The following ACSL3 variants were observed in gnomAD, a reference collection of about 807,000 sequenced individuals.
ACSL3 encodes the protein fatty acid CoA ligase Acsl3.
ACSL3 carries 34 observed loss-of-function variants against 84.7 expected under a neutral mutation model. The observed-to-expected ratio is 0.40, with a 90% CI of 0.31 to 0.53. The LOEUF (loss-of-function observed/expected upper bound fraction) is 0.53. Among genes scored for constraint, ACSL3 ranks in the 20% least tolerant of loss-of-function variants. The probability of loss-of-function intolerance (pLI) is 0.48; values close to 1 mark genes in which losing one functional copy is unlikely to be tolerated. For missense variants in ACSL3, 680 were observed against 873.1 expected, an observed-to-expected ratio of 0.78 and a Z score of 2.79; for synonymous variants, 315 against 299.4, an observed-to-expected ratio of 1.05 and a Z score of -0.54.
Position 222,909,072 on chromosome 2 carries a change from G to T in ACSL3, c.300G>T (p.Lys100Asn), listed in dbSNP as rs1696372529. Residue 100 changes from lysine to asparagine, a missense_variant, in exon 4 of 17, where the codon AAG becomes AAT. Lys to Asn is a moderately conservative substitution (Grantham distance 94). Around this residue, in one of 2 missense-constraint regions of ACSL3, gnomAD observed 333 missense variants for 347.5 expected, o/e 0.96. Transcript: ENST00000357430. ...KVFTYAKNKF[K>N]NKRLLGTREV... ...TTACATATGCAAAAAACAAATTTAA[G>T]AACAAAAGACTCTTGGGAACACGTG... 6.2e-7 allele frequency: 1 copy of T among 1,611,700 alleles called. No individual in the cohort carries two copies. The highest frequency in any genetic ancestry group is 8.5e-7 in the Non-Finnish European group (1 of 1,179,388).
At chr2:222,923,052 A>G (rs1025703687) in intron 9 of ACSL3, 26 bp from the exon 10 acceptor site, 3 of 1,572,086 alleles carry the variant, frequency 1.9e-6, no homozygotes, top group Non-Finnish European at 2.6e-6. Flanking sequence ...ATCACTTTAT[A>G]TGGATCACTT....
At position 222,921,346 on chromosome 2, in the gene ACSL3, C is replaced by G. The variant is rs1559297955; in HGVS notation, c.872C>G (p.Thr291Arg). 1 of 1,604,314 alleles carries G rather than the reference C, an allele frequency of 6.2e-7. No homozygotes were observed. Among genetic ancestry groups the G allele is most frequent in the South Asian group, 1.1e-5 (1 of 90,746 alleles). ...IAVIMYTSGSTGLPKGVMISH... is the reference protein window; with the variant it reads ...IAVIMYTSGSRGLPKGVMISH... ...GTAATCATGTACACAAGTGGATCCA[C>G]AGGACTTCCAAAGGGAGTCATGATC... The change falls in exon 8 of 17, where the codon ACA becomes AGA. Residue 291 changes from threonine to arginine, a missense_variant. Around this residue, in one of 2 missense-constraint regions of ACSL3, gnomAD observed 347 missense variants for 525.7 expected, o/e 0.66. Coordinates refer to ENST00000357430, the MANE Select transcript of ACSL3 (RefSeq NM_004457.5).
At chr2:222,889,283 T>C (rs926852302) in intron 2 of ACSL3, among the ~76,000 whole-genome samples, 1 of 152,104 alleles carries the variant, frequency 6.6e-6, no homozygotes, top group Non-Finnish European at 1.5e-5. Context: ...CAGAAACTGA[T>C]GTGGGAGGGT....
chr2:222,903,022 T>C (rs1184331822), intron 3 of ACSL3, among the ~76,000 whole-genome samples: 1 of 151,974 alleles, frequency 6.6e-6, no homozygotes, highest in Non-Finnish European at 1.5e-5. Flanking sequence ...AATATGGTAC[T>C]ACAAATAGAA....
At chr2:222,869,394 C>T (rs966056672) in intron 1 of ACSL3, among the ~76,000 whole-genome samples, 23 of 152,100 alleles carry the variant, frequency 1.5e-4, no homozygotes, top group Admixed American at 1.0e-3. Flanking sequence ...TCTGTTTTCC[C>T]TATGTATATT....
At chr2:222,881,758 C>CT (rs959242406) in intron 1 of ACSL3, among the ~76,000 whole-genome samples, 7 of 152,208 alleles carry the variant, frequency 4.6e-5, no homozygotes, top group African/African-American at 1.7e-4. Context: ...GGTGGTCCAC[C>CT]TGCCCAAAGT....
intron 2 of ACSL3, among the ~76,000 whole-genome samples, chr2:222,891,630 A>G (rs911189815): frequency 1.3e-4 from 20 of 152,180 alleles, no homozygotes; most frequent in African/African-American, 4.1e-4. Context: ...CAAGAGTCCT[A>G]CTGTTATTTC....
chr2:222,911,570 C>A (rs1428713451), intron 4 of ACSL3, among the ~76,000 whole-genome samples: 2 of 152,124 alleles, frequency 1.3e-5, no homozygotes, highest in Non-Finnish European at 2.9e-5. Context: ...CAGGAAGCTT[C>A]GTTTTTCTCC....
rs562980047 is a variant in ACSL3, at chr2:222,915,887, T to C, written c.379-432T>C. 2.6e-5 allele frequency among the ~76,000 whole-genome samples: 4 copies of C among 152,364 alleles called. 1 individual carries two copies. The South Asian group carries it at 8.3e-4, about 32-fold the overall frequency. ...CATTTTATACCGTCTGATACTGACATTTAGGAATTCCTAAATAGAGAGAAA... is the reference window on the plus strand; with the variant it reads ...CATTTTATACCGTCTGATACTGACACTTAGGAATTCCTAAATAGAGAGAAA... On this transcript the variant is annotated intron_variant, in intron 4 of 16. Transcript: ENST00000357430.
intron 12 of ACSL3, among the ~76,000 whole-genome samples, chr2:222,928,186 T>A (rs113955530): frequency 2.4e-4 from 36 of 152,324 alleles, no homozygotes; most frequent in African/African-American, 8.4e-4. Context: ...GGTTCTTTCC[T>A]CACATCCTTG....
At chr2:222,880,644 C>A (rs1489088526) in intron 1 of ACSL3, among the ~76,000 whole-genome samples, 1 of 151,606 alleles carries the variant, frequency 6.6e-6, no homozygotes, top group Non-Finnish European at 1.5e-5. Flanking sequence ...CTGGCTAACA[C>A]GGTGAAACCC....
Position 222,924,577 on chromosome 2 carries a change from AT to A in ACSL3, c.1275del (p.Asn425LysfsTer17), listed in dbSNP as rs1696825947. ...ATGGAACAGATTTCAAAAGGACGTA[AT>A]ACTCCACTGTGCGACAGGTAAGTAA... ...YKMEQISKGR[N>X]TPLCDSFVFR... On this transcript the variant is annotated frameshift_variant, in exon 11 of 17. Transcript: ENST00000357430. LOFTEE classifies it high-confidence loss of function. The A allele has an allele frequency of 6.2e-7, 1 of 1,606,240 alleles. No homozygotes were observed. The highest frequency in any genetic ancestry group is 1.7e-5 in the Admixed American group (1 of 58,624).
At chr2:222,926,686 G>T (rs1198965165) in intron 11 of ACSL3, among the ~76,000 whole-genome samples, 1 of 152,048 alleles carries the variant, frequency 6.6e-6, no homozygotes, top group Non-Finnish European at 1.5e-5. Context: ...GAATTGTTCA[G>T]TATTAATATA....
intron 3 of ACSL3, among the ~76,000 whole-genome samples, chr2:222,908,375 A>C (rs1351883720): frequency 6.6e-6 from 1 of 152,216 alleles, no homozygotes; most frequent in African/African-American, 2.4e-5. Context: ...TTTGTAAAGT[A>C]CTTGCCATCC....
intron 1 of ACSL3, among the ~76,000 whole-genome samples, chr2:222,868,800 C>T (rs1201124654): frequency 2.6e-5 from 4 of 151,932 alleles, no homozygotes; most frequent in Admixed American, 6.6e-5. Flanking sequence ...GGTGAAATCC[C>T]GTCTCTACTA....
At chr2:222,922,884 T>C in intron 9 of ACSL3, 53 bp downstream of exon 9, 1 of 1,607,000 alleles carries the variant, frequency 6.2e-7, no homozygotes, top group Non-Finnish European at 8.5e-7. Flanking sequence ...TGAATTGTAA[T>C]GCATTTTTTT....
At chr2:222,869,436 C>T (rs542126939) in intron 1 of ACSL3, among the ~76,000 whole-genome samples, 1 of 152,268 alleles carries the variant, frequency 6.6e-6, no homozygotes, top group Non-Finnish European at 1.5e-5. Flanking sequence ...CTCTGCCCTT[C>T]ACAAGTAGTT....
At chr2:222,890,646 G>A (rs1350669184) in intron 2 of ACSL3, among the ~76,000 whole-genome samples, 1 of 151,834 alleles carries the variant, frequency 6.6e-6, no homozygotes, top group Non-Finnish European at 1.5e-5. Context: ...TTGTTTGTTT[G>A]TTTGTTTATT....
At chr2:222,923,985 A>G (rs1401311952) in intron 10 of ACSL3, among the ~76,000 whole-genome samples, 1 of 152,244 alleles carries the variant, frequency 6.6e-6, no homozygotes, top group Non-Finnish European at 1.5e-5. Context: ...AAAGTCAAAT[A>G]GCCAAACAAA....
Sources: gnomAD v4.1 joint callset for allele counts (sites outside exome capture counted in the v4.1 genomes callset) on GRCh38, gnomAD v4.1.1 for gene constraint, gnomAD v4.1.1 regional missense constraint, MANE v1.5 for transcripts, NCBI Gene and HGNC (gene_info 2026-07-23, HGNC 2026-07-21) for gene names.